Variants in RGS7 observed in about 807,000 individuals in gnomAD.
RGS7 encodes the protein regulator of G-protein signaling 7.
A neutral mutation model predicts 81.1 loss-of-function variants in RGS7; 27 were observed. The observed-to-expected ratio is 0.33, with a 90% confidence interval of 0.25 to 0.46. The LOEUF is 0.46. Ranked by LOEUF, RGS7 falls within the 20% of genes least tolerant of loss-of-function variation. RGS7 has a pLI of 1.00. For synonymous variants in RGS7, 208 were observed against 207.7 expected (o/e 1.00, Z -0.01); for missense variants, 396 against 607.4 (o/e 0.65, Z 3.66).
chr1:241,318,305 A>G (rs766584667), intron 2 of RGS7, among the ~76,000 whole-genome samples: 2 of 152,204 alleles, frequency 1.3e-5, no homozygotes, highest in Non-Finnish European at 2.9e-5. Flanking sequence ...ATAAAATGAG[A>G]CTTGGTTGGA....
intron 10 of RGS7, among the ~76,000 whole-genome samples, chr1:240,820,222 G>A (rs916122328): frequency 3.3e-5 from 5 of 152,182 alleles, no homozygotes; most frequent in Non-Finnish European, 7.4e-5. Context: ...TGCAGCTGGG[G>A]AAAATCAAAT....
intron 9 of RGS7, among the ~76,000 whole-genome samples, chr1:240,867,893 T>C (rs142784031): frequency 2.4e-4 from 37 of 151,642 alleles, no homozygotes; most frequent in African/African-American, 8.5e-4. Flanking sequence ...TCCCAGATAC[T>C]TGGGAGGCTG....
intron 2 of RGS7, among the ~76,000 whole-genome samples, chr1:241,234,687 C>G (rs1401980648): frequency 6.6e-6 from 1 of 152,050 alleles, no homozygotes; most frequent in Non-Finnish European, 1.5e-5. Context: ...ACACAATTCT[C>G]CCTGCTTTAG....
chr1:240,831,790 C>A (rs1693901614), intron 9 of RGS7, among the ~76,000 whole-genome samples: 1 of 152,092 alleles, frequency 6.6e-6, no homozygotes, highest in Non-Finnish European at 1.5e-5. Context: ...CGGGTGCCAC[C>A]ACACCCAGCT....
intron 6 of RGS7, among the ~76,000 whole-genome samples, chr1:240,906,662 T>A (rs1670868508): frequency 6.6e-6 from 1 of 152,172 alleles, no homozygotes; most frequent in South Asian, 2.1e-4. Context: ...CACTGTTGCT[T>A]TTATTATAAC....
chr1:240,815,411 A>G (rs2103115117), intron 11 of RGS7, among the ~76,000 whole-genome samples: 1 of 152,284 alleles, frequency 6.6e-6, no homozygotes, highest in East Asian at 1.9e-4. Context: ...ATCCAGAATC[A>G]TACTTCCCTC....
intron 18 of RGS7, among the ~76,000 whole-genome samples, chr1:240,793,272 A>G (rs1686327530): frequency 6.6e-6 from 1 of 152,114 alleles, no homozygotes; most frequent in South Asian, 2.1e-4. Flanking sequence ...GAAAATGAAG[A>G]TATATTGTCT....
At chr1:241,051,092 G>T (rs1413475646) in intron 3 of RGS7, among the ~76,000 whole-genome samples, 1 of 152,136 alleles carries the variant, frequency 6.6e-6, no homozygotes, top group South Asian at 2.1e-4. Context: ...GTGGGTCTGG[G>T]TGCCTGTCCA....
chr1:240,900,599 C>CACA (rs1267104923), intron 6 of RGS7, among the ~76,000 whole-genome samples: 1 of 152,180 alleles, frequency 6.6e-6, no homozygotes, highest in African/African-American at 2.4e-5. Context: ...GCTGAGGCTA[C>CACA]ACAACAACAA....
At chr1:241,289,013 C>A (rs894965962) in intron 2 of RGS7, among the ~76,000 whole-genome samples, 16 of 152,232 alleles carry the variant, frequency 1.1e-4, no homozygotes, top group Admixed American at 4.6e-4. Context: ...TCAGTCTCTG[C>A]AAATGCCCAG....
intron 2 of RGS7, among the ~76,000 whole-genome samples, chr1:241,215,807 C>T (rs1461599355): frequency 6.6e-6 from 1 of 152,206 alleles, no homozygotes; most frequent in African/African-American, 2.4e-5. Flanking sequence ...AATTCTCTTT[C>T]TATTTTTCCC....
intron 2 of RGS7, among the ~76,000 whole-genome samples, chr1:241,101,784 G>A (rs896009246): frequency 2.0e-5 from 3 of 152,266 alleles, no homozygotes; most frequent in South Asian, 2.1e-4. Context: ...TCTGCTTAAC[G>A]GTTTAAAGCA....
chr1:240,988,642 T>C (rs1357125275), intron 3 of RGS7, among the ~76,000 whole-genome samples: 1 of 152,206 alleles, frequency 6.6e-6, no homozygotes, highest in East Asian at 1.9e-4. Flanking sequence ...TGCACAGCCA[T>C]TGTCACATCT....
intron 3 of RGS7, among the ~76,000 whole-genome samples, chr1:241,016,628 G>A (rs529992056): frequency 3.5e-4 from 53 of 152,024 alleles, no homozygotes; most frequent in Non-Finnish European, 5.9e-4. Context: ...AAAAGTGACC[G>A]TGTAATCTAT....
intron 2 of RGS7, among the ~76,000 whole-genome samples, chr1:241,285,212 C>T (rs1047507404): frequency 3.3e-5 from 5 of 152,110 alleles, no homozygotes; most frequent in African/African-American, 7.2e-5. Context: ...AGGGCTTTGA[C>T]TAGAGAGACC....
chr1:241,034,387 T>C (rs1224332035), intron 3 of RGS7, among the ~76,000 whole-genome samples: 3 of 152,210 alleles, frequency 2.0e-5, no homozygotes, highest in Non-Finnish European at 4.4e-5. Context: ...CCGGAGTAAC[T>C]AACAAGTATC....
intron 2 of RGS7, among the ~76,000 whole-genome samples, chr1:241,300,655 T>C (rs924681439): frequency 6.6e-6 from 1 of 152,248 alleles, no homozygotes; most frequent in Non-Finnish European, 1.5e-5. Context: ...AGTTTATCTA[T>C]TCACCCACTA....
intron 3 of RGS7, among the ~76,000 whole-genome samples, chr1:241,031,272 T>C (rs2060073499): frequency 6.6e-6 from 1 of 152,220 alleles, no homozygotes; most frequent in African/African-American, 2.4e-5. Flanking sequence ...TCCAGTTCCA[T>C]CTGTGCTGCT....
intron 2 of RGS7, among the ~76,000 whole-genome samples, chr1:241,247,091 C>T (rs1558233699): frequency 6.6e-6 from 1 of 152,000 alleles, no homozygotes. Context: ...AATATGTTCT[C>T]ATTTTATCTA....
Sources: gnomAD v4.1 joint callset for allele counts (sites outside exome capture counted in the v4.1 genomes callset) on GRCh38, gnomAD v4.1.1 for gene constraint, MANE v1.5 for transcripts, NCBI Gene and HGNC (gene_info 2026-07-23, HGNC 2026-07-21) for gene names.